The following EPG5 variants were observed in gnomAD, a reference collection of about 807,000 sequenced individuals.
EPG5 encodes the protein ectopic P granules protein 5 homolog.
Under a neutral mutation model 302.7 loss-of-function variants are expected in EPG5, and 159 were observed. That is an observed-to-expected ratio of 0.53 (90% CI 0.46 to 0.60). The LOEUF is 0.60. Among genes scored for constraint, EPG5 ranks in the 20% least tolerant of loss-of-function variants. The pLI is 0.00. For missense variants in EPG5, 2,896 were observed against 3,092.4 expected (o/e 0.94, Z 1.51); for synonymous variants, 1,158 against 1,136.8 (o/e 1.02, Z -0.37).
At chr18:45,965,723 A>C (rs963863322) in intron 1 of EPG5, among the ~76,000 whole-genome samples, 1 of 152,226 alleles carries the variant, frequency 6.6e-6, no homozygotes, top group African/African-American at 2.4e-5. Context: ...AGGTCTGGCC[A>C]TGCGGGAGCA....
intron 11 of EPG5, among the ~76,000 whole-genome samples, chr18:45,932,781 T>A (rs1599601080): frequency 6.6e-6 from 1 of 152,116 alleles, no homozygotes; most frequent in South Asian, 2.1e-4. Context: ...AACTCCTGTG[T>A]CAGGTGATAC....
intron 1 of EPG5, among the ~76,000 whole-genome samples, chr18:45,965,406 T>C (rs1488422356): frequency 1.3e-5 from 2 of 152,126 alleles, no homozygotes; most frequent in Non-Finnish European, 2.9e-5. Context: ...AGGTGTGCAT[T>C]TGCCCATGTA....
intron 27 of EPG5, among the ~76,000 whole-genome samples, chr18:45,895,607 G>A (rs2049453284): frequency 6.6e-6 from 1 of 152,098 alleles, no homozygotes; most frequent in South Asian, 2.1e-4. Context: ...GAGTTGAGGA[G>A]GAAGAAACCC....
chr18:45,914,020 C>T (rs1370624935), intron 20 of EPG5, among the ~76,000 whole-genome samples, 192 bp from the exon 21 acceptor site: 3 of 152,178 alleles, frequency 2.0e-5, no homozygotes, highest in Non-Finnish European at 4.4e-5. Flanking sequence ...TAAAATAGAT[C>T]ATTGGAAAAT....
At chr18:45,890,570 T>A (rs2049320541) in intron 27 of EPG5, among the ~76,000 whole-genome samples, 1 of 124,176 alleles carries the variant, frequency 8.1e-6, no homozygotes, top group South Asian at 2.4e-4. Flanking sequence ...GAGAATTTAT[T>A]GAGCTTCTTT....
intron 35 of EPG5, among the ~76,000 whole-genome samples, 170 bp from the exon 36 acceptor site, chr18:45,870,912 T>C (rs2048858674): frequency 6.6e-6 from 1 of 152,044 alleles, no homozygotes; most frequent in Admixed American, 6.6e-5. Flanking sequence ...AGATTAGTAA[T>C]AAAGAATGGT....
intron 1 of EPG5, among the ~76,000 whole-genome samples, chr18:45,961,212 T>C (rs1292964129): frequency 6.6e-6 from 1 of 152,190 alleles, no homozygotes; most frequent in Admixed American, 6.5e-5. Flanking sequence ...CTTGCCCCCT[T>C]ACAGTCTATT....
the EPG5 span, among the ~76,000 whole-genome samples, chr18:45,804,368 T>A: frequency 6.6e-6 from 1 of 152,070 alleles, no homozygotes; most frequent in South Asian, 2.1e-4. Context: ...ATTATTTGAA[T>A]AAATAATGGC....
the EPG5 span, among the ~76,000 whole-genome samples, chr18:45,806,261 T>C: frequency 6.6e-6 from 1 of 152,198 alleles, no homozygotes; most frequent in Admixed American, 6.5e-5. Context: ...AAACTATTTT[T>C]ACCATAAATT....
the EPG5 span, among the ~76,000 whole-genome samples, chr18:45,828,209 C>T: frequency 9.2e-5 from 14 of 152,322 alleles, no homozygotes; most frequent in African/African-American, 3.1e-4. Context: ...CGCAGGCCCG[C>T]CAGTCGTGGT....
chr18:45,821,222 G>A, the EPG5 span, among the ~76,000 whole-genome samples: 1 of 152,234 alleles, frequency 6.6e-6, no homozygotes, highest in Non-Finnish European at 1.5e-5. Flanking sequence ...CTGAGAACCT[G>A]TAAACATGTG....
rs779327948 is a variant in EPG5 at position 45,894,446 on chromosome 18, T to C, written c.4810-4506A>G. Among the ~76,000 whole-genome samples the C allele has an allele frequency of 3.7e-4, 56 of 151,742 alleles. 1 individual carries two copies. The highest frequency in any genetic ancestry group is 7.9e-4 in the Admixed American group (12 of 15,232). ...AGCATGGGTGACAAGAGCAAAACTC[T>C]GCCTCAAAATAATAATAATAATAAT... On this transcript the variant is annotated intron_variant, in intron 27 of 43. Transcript: ENST00000282041.
chr18:45,825,323 G>C, the EPG5 span, among the ~76,000 whole-genome samples: 1 of 150,750 alleles, frequency 6.6e-6, no homozygotes, highest in African/African-American at 2.4e-5. Context: ...AGGAAGGAAA[G>C]GAAGGAGGGA....
intron 27 of EPG5, among the ~76,000 whole-genome samples, chr18:45,891,114 T>A (rs181537657): frequency 1.3e-5 from 2 of 152,334 alleles, no homozygotes; most frequent in East Asian, 3.9e-4. Flanking sequence ...ATATCCTTTA[T>A]AAATAATGTA....
chr18:45,897,597 T>C (rs1185717350), intron 27 of EPG5, among the ~76,000 whole-genome samples: 8 of 152,178 alleles, frequency 5.3e-5, no homozygotes, highest in East Asian at 1.9e-4. Flanking sequence ...GAAAACCAAC[T>C]GTATAAAGCA....
In EPG5 at chr18:45,942,257, G is replaced by A. The variant is rs114863457; in HGVS notation, c.1943+904C>T. Among the ~76,000 whole-genome samples the A allele has an allele frequency of 3.1e-3, 470 of 152,122 alleles. 2 individuals carry two copies. Among genetic ancestry groups the A allele is most frequent in the African/African-American group, 0.011 (439 of 41,490 alleles). ...AAGAAGGGACCCCCACCCTTTTAGG[G>A]CATCCTATAATCACTTGACTGATTT... On this transcript the variant is annotated intron_variant, in intron 9 of 43. Coordinates refer to ENST00000282041, the MANE Select transcript of EPG5 (RefSeq NM_020964.3).
In EPG5 at chr18:45,901,185, C is replaced by A; in HGVS notation, c.4475-18G>T. On this transcript the variant is annotated intron_variant, in intron 25 of 43. Coordinates refer to ENST00000282041, the MANE Select transcript of EPG5 (RefSeq NM_020964.3). ...TTCTTTAGCTGAAAGAAAATTAAGT[C>A]ATATATACTGAGCAATCAGGTGAAT... 6.2e-7 allele frequency: 1 copy of A among 1,609,544 alleles called. No individual in the cohort carries two copies. The highest frequency in any genetic ancestry group is 1.1e-5 in the South Asian group (1 of 90,690).
chr18:45,836,136 A>T, the EPG5 span, among the ~76,000 whole-genome samples: 1 of 152,226 alleles, frequency 6.6e-6, no homozygotes. Flanking sequence ...ACTCCTGCCC[A>T]AGGAGCAAAT....
the EPG5 span, among the ~76,000 whole-genome samples, chr18:45,807,804 A>G: frequency 6.6e-6 from 1 of 152,226 alleles, no homozygotes; most frequent in African/African-American, 2.4e-5. Flanking sequence ...CAACTCTGGT[A>G]ATATGGCAAA....
Sources: gnomAD v4.1 joint callset for allele counts (sites outside exome capture counted in the v4.1 genomes callset) on GRCh38, gnomAD v4.1.1 for gene constraint, MANE v1.5 for transcripts, NCBI Gene and HGNC (gene_info 2026-07-23, HGNC 2026-07-21) for gene names.